The following PCDH15 variants were observed in gnomAD, a reference collection of about 807,000 sequenced individuals.
PCDH15 encodes the protein protocadherin-15.
In PCDH15, 129 loss-of-function variants were observed where a neutral mutation model predicts 178.5. That is an observed-to-expected ratio of 0.72 (90% CI 0.63 to 0.84). The LOEUF (loss-of-function observed/expected upper bound fraction) is 0.84. PCDH15 is among the 40% of genes least tolerant of loss of function. The probability of loss-of-function intolerance (pLI) is 0.00; values close to 1 mark genes in which losing one functional copy is unlikely to be tolerated. For missense variants in PCDH15, 2,230 were observed against 2,099.9 expected, an observed-to-expected ratio of 1.06 and a Z score of -1.21; for synonymous variants, 800 against 732.0, an observed-to-expected ratio of 1.09 and a Z score of -1.50.
intron 2 of PCDH15, among the ~76,000 whole-genome samples, chr10:55,395,678 T>A (rs1837910703): frequency 6.6e-6 from 1 of 152,074 alleles, no homozygotes; most frequent in African/African-American, 2.4e-5. Flanking sequence ...GTTTGGAAAT[T>A]TTTTAGTTTA....
At chr10:54,926,218 T>A (rs898981975) in intron 2 of PCDH15, among the ~76,000 whole-genome samples, 8 of 152,152 alleles carry the variant, frequency 5.3e-5, no homozygotes, top group Non-Finnish European at 8.8e-5. Context: ...GTGGCTTTTT[T>A]CATTAGTTAT....
intron 25 of PCDH15, among the ~76,000 whole-genome samples, chr10:53,923,497 TA>T (rs2084191195): frequency 6.6e-6 from 1 of 152,248 alleles, no homozygotes; most frequent in Non-Finnish European, 1.5e-5. Context: ...ATGTGTACAT[TA>T]AATTGAAATG....
intron 2 of PCDH15, among the ~76,000 whole-genome samples, chr10:55,090,980 T>C (rs780072941): frequency 5.3e-5 from 8 of 152,156 alleles, no homozygotes; most frequent in Non-Finnish European, 7.4e-5. Context: ...CTGTGCTCCA[T>C]GAAACAATGT....
intron 2 of PCDH15, among the ~76,000 whole-genome samples, chr10:54,591,867 C>A (rs895043357): frequency 6.6e-6 from 1 of 152,124 alleles, no homozygotes; most frequent in Admixed American, 6.5e-5. Context: ...TCATTACAAT[C>A]TGATAAAAAG....
chr10:55,165,380 T>C (rs1839168203), intron 2 of PCDH15, among the ~76,000 whole-genome samples: 1 of 151,902 alleles, frequency 6.6e-6, no homozygotes, highest in Non-Finnish European at 1.5e-5. Flanking sequence ...AGAAATGTCT[T>C]AGGTACGCAG....
chr10:54,362,390 T>C (rs979766866), intron 5 of PCDH15, among the ~76,000 whole-genome samples: 3 of 152,068 alleles, frequency 2.0e-5, no homozygotes, highest in African/African-American at 7.2e-5. Flanking sequence ...ACATTTAACC[T>C]GGTAAGCAGG....
At chr10:54,571,786 TAAA>T (rs1003205812) in intron 2 of PCDH15, among the ~76,000 whole-genome samples, 1 of 152,126 alleles carries the variant, frequency 6.6e-6, no homozygotes, top group Non-Finnish European at 1.5e-5. Context: ...TTTAGCAGCT[TAAA>T]AAAAGCTTTT....
Position 53,810,646 on chromosome 10 carries a change from A to G in PCDH15, c.4581T>C (p.Tyr1527=). 1 of 1,613,766 alleles carries G rather than the reference A, an allele frequency of 6.2e-7. No homozygotes were observed. ...SYEHGYEMPQ[Y]GSRRRLLPPA... ...GTGGTAACAATCGACGGCGACTCCC[A>G]TATTGAGGCATTTCATACCTGTAAT... Residue 1527 remains tyrosine, a synonymous_variant, in exon 37 of 38, where the codon TAT becomes TAC. Coordinates refer to ENST00000644397, the MANE Select transcript of PCDH15 (RefSeq NM_001384140.1).
chr10:55,226,657 C>T (rs1007915979), intron 1 of PCDH15, among the ~76,000 whole-genome samples: 11 of 152,172 alleles, frequency 7.2e-5, no homozygotes, highest in African/African-American at 1.9e-4. Flanking sequence ...GCTGAGATTA[C>T]AGGCGTGAGC....
chr10:53,858,975 C>T (rs374240344), intron 27 of PCDH15, among the ~76,000 whole-genome samples: 230 of 151,978 alleles, frequency 1.5e-3, no homozygotes, highest in African/African-American at 5.3e-3. Flanking sequence ...ATGAAACTTG[C>T]ATAACTGTTC....
In PCDH15 at chr10:53,824,891, T is replaced by A. The variant is rs562827105; in HGVS notation, c.4367+2502A>T. On this transcript the variant is annotated intron_variant, in intron 32 of 37. Coordinates refer to ENST00000644397, the MANE Select transcript of PCDH15 (RefSeq NM_001384140.1). ...ATTTTTAAAAACTAATTTAAAAAAA[T>A]TAAAAACAAGGAGAATTTTGAAATT... Among the ~76,000 whole-genome samples the A allele has an allele frequency of 3.9e-5, 6 of 152,042 alleles. No homozygotes were observed. The South Asian group carries it at 1.2e-3, about 32-fold the overall frequency.
chr10:53,807,117 C>CT lies in PCDH15; in HGVS notation c.4684dup (p.Arg1562LysfsTer8). 1 of 1,594,310 alleles carries CT rather than the reference C, an allele frequency of 6.3e-7. No individual in the cohort carries two copies. The highest frequency in any genetic ancestry group is 1.1e-5 in the South Asian group (1 of 87,928). On this transcript the variant is annotated frameshift_variant, in exon 38 of 38. Transcript: ENST00000644397. LOFTEE classifies it high-confidence loss of function. ...TCGATCAACAACTAACTTGATCATT[C>CT]TTTTTCTTGCCCACTGATAAAATAA...
At position 53,822,440 on chromosome 10, in the gene PCDH15, A is replaced by T. The variant is rs58461416; in HGVS notation, c.4368-2210T>A. ...TGTCAGGAGGAGGAGCAAGAGGAGC[A>T]GGAGCAGGAGGAGGAGAAGGAGGAG... On this transcript the variant is annotated intron_variant, in intron 32 of 37. Transcript: ENST00000644397. The T allele has an allele frequency of 2.1e-3, 3,318 of 1,592,162 alleles. 110 individuals carry two copies. In the East Asian group the frequency reaches 0.065, roughly 31 times the overall value.
At chr10:55,196,089 C>T (rs1840086672) in intron 1 of PCDH15, among the ~76,000 whole-genome samples, 1 of 152,072 alleles carries the variant, frequency 6.6e-6, no homozygotes, top group African/African-American at 2.4e-5. Flanking sequence ...TGACTTTGTA[C>T]AGTTTGTATC....
chr10:54,847,949 C>G (rs1423752818), intron 3 of PCDH15, among the ~76,000 whole-genome samples: 1 of 152,188 alleles, frequency 6.6e-6, no homozygotes. Flanking sequence ...TGATACAGTA[C>G]TGAATGTTAT....
intron 23 of PCDH15, among the ~76,000 whole-genome samples, chr10:53,945,838 T>TAC (rs1491445496): frequency 0.28 from 770 of 2,730 alleles, 11 homozygotes; most frequent in East Asian, 0.5. Context: ...TATTTCATTG[T>TAC]ATATATATAT....
At chr10:54,056,249 GT>G (rs1188709318) in intron 18 of PCDH15, among the ~76,000 whole-genome samples, 1 of 152,254 alleles carries the variant, frequency 6.6e-6, no homozygotes, top group African/African-American at 2.4e-5. Context: ...GACATTCCAA[GT>G]TCTCTCTTCA....
At chr10:54,941,277 A>G (rs1382460120) in intron 2 of PCDH15, among the ~76,000 whole-genome samples, 1 of 152,078 alleles carries the variant, frequency 6.6e-6, no homozygotes, top group African/African-American at 2.4e-5. Flanking sequence ...ACATTACACT[A>G]TATATCTCTA....
chr10:54,997,187 T>C (rs1839670429), intron 2 of PCDH15, among the ~76,000 whole-genome samples: 1 of 152,072 alleles, frequency 6.6e-6, no homozygotes, highest in Non-Finnish European at 1.5e-5. Context: ...CTGGATTACC[T>C]ATGGGGGCAA....
Sources: gnomAD v4.1 joint callset for allele counts (sites outside exome capture counted in the v4.1 genomes callset) on GRCh38, gnomAD v4.1.1 for gene constraint, MANE v1.5 for transcripts, NCBI Gene and HGNC (gene_info 2026-07-23, HGNC 2026-07-21) for gene names.